Variants in CSMD3 observed in about 807,000 individuals in gnomAD.
CSMD3 encodes CUB and sushi domain-containing protein 3.
A neutral mutation model predicts 435.2 loss-of-function variants in CSMD3; 177 were observed. The observed-to-expected ratio is 0.41, with a 90% confidence interval of 0.36 to 0.46. The LOEUF (loss-of-function observed/expected upper bound fraction) is 0.46. CSMD3 is among the 20% of genes least tolerant of loss of function. CSMD3 has a pLI of 0.34. For synonymous variants in CSMD3, 1,656 were observed against 1,520.5 expected (o/e 1.09, Z -2.07); for missense variants, 4,265 against 4,504.6 (o/e 0.95, Z 1.52).
intron 10 of CSMD3, among the ~76,000 whole-genome samples, chr8:112,900,984 G>A (rs1038020343): frequency 4.0e-5 from 6 of 151,380 alleles, no homozygotes; most frequent in African/African-American, 1.2e-4. Context: ...CTGGCAGTCA[G>A]TCTCAGGTGC....
Position 113,064,384 on chromosome 8 carries a change from T to G in CSMD3, c.917+34372A>C, listed in dbSNP as rs73334003. On this transcript the variant is annotated intron_variant, in intron 5 of 70. Coordinates refer to ENST00000297405, the MANE Select transcript of CSMD3 (RefSeq NM_198123.2). ...AGAGAGATATTGTCTTTTCTATGTT[T>G]AATATATAACTTATTTAACATGTTC... Among the ~76,000 whole-genome samples, 1,251 of 152,212 alleles carry G rather than the reference T, an allele frequency of 8.2e-3. 29 individuals carry two copies. Among genetic ancestry groups the G allele is most frequent in the African/African-American group, 0.028 (1,184 of 41,566 alleles).
At chr8:113,158,385 A>C (rs1219865337) in intron 4 of CSMD3, among the ~76,000 whole-genome samples, 1 of 152,074 alleles carries the variant, frequency 6.6e-6, no homozygotes, top group Admixed American at 6.6e-5. Flanking sequence ...ATGTATCATA[A>C]GGGAAGATCC....
chr8:113,379,583 T>C (rs2094406208), intron 1 of CSMD3, among the ~76,000 whole-genome samples: 1 of 152,124 alleles, frequency 6.6e-6, no homozygotes, highest in Non-Finnish European at 1.5e-5. Flanking sequence ...GCAGATAAGG[T>C]ATCAGTAATA....
rs553392413 is a variant in CSMD3, at chr8:112,784,655, GA to G, written c.1972+15506del. On this transcript the variant is annotated intron_variant, in intron 13 of 70. Transcript: ENST00000297405. The stretch of plus-strand genomic sequence containing the variant: ...TGAGCAACTATATGCCAAGAAACTG[GA>G]AAACCTAAAAGAAATGAATCAATTA... 1.0e-3 allele frequency among the ~76,000 whole-genome samples: 156 copies of G among 151,992 alleles called. 2 individuals are homozygous for G. The highest frequency in any genetic ancestry group is 3.5e-3 in the African/African-American group (146 of 41,514).
At chr8:113,368,348 T>C (rs1428368987) in intron 1 of CSMD3, among the ~76,000 whole-genome samples, 1 of 152,134 alleles carries the variant, frequency 6.6e-6, no homozygotes, top group Non-Finnish European at 1.5e-5. Flanking sequence ...TGCTGGCTCT[T>C]GTCATGGATA....
intron 3 of CSMD3, among the ~76,000 whole-genome samples, chr8:113,222,615 CTTGAG>C (rs1203141226): frequency 3.3e-5 from 5 of 151,110 alleles, no homozygotes; most frequent in East Asian, 3.9e-4. Context: ...ATCTTATATG[CTTGAG>C]TTATTTTCAG....
intron 49 of CSMD3, among the ~76,000 whole-genome samples, chr8:112,312,196 A>C (rs1216012228): frequency 6.6e-6 from 1 of 152,208 alleles, no homozygotes; most frequent in Non-Finnish European, 1.5e-5. Flanking sequence ...TTTATATTAT[A>C]GAAACATAAG....
intron 4 of CSMD3, among the ~76,000 whole-genome samples, chr8:113,156,648 C>G (rs962322720): frequency 7.9e-5 from 12 of 151,628 alleles, no homozygotes; most frequent in African/African-American, 1.7e-4. Flanking sequence ...CGTCTGCAAT[C>G]CCAGCATTTT....
At chr8:112,410,435 C>A (rs1273979213) in intron 32 of CSMD3, among the ~76,000 whole-genome samples, 2 of 146,874 alleles carry the variant, frequency 1.4e-5, no homozygotes, top group Admixed American at 7.0e-5. Flanking sequence ...TGAATTCAGA[C>A]CTTTTTAAAA....
intron 40 of CSMD3, 33 bp downstream of exon 40, chr8:112,351,142 C>T (rs2131053388): frequency 7.9e-7 from 1 of 1,269,892 alleles, no homozygotes; most frequent in Non-Finnish European, 1.2e-6. Flanking sequence ...ACTTTAAGTT[C>T]TAGGGTAAAT....
chr8:113,247,940 T>C (rs2093292998), intron 3 of CSMD3, among the ~76,000 whole-genome samples: 1 of 152,088 alleles, frequency 6.6e-6, no homozygotes, highest in African/African-American at 2.4e-5. Flanking sequence ...AGCTAGGTCA[T>C]ATTATCTTTT....
intron 2 of CSMD3, chr8:113,313,365 A>G (rs924659043): frequency 6.6e-6 from 1 of 151,880 alleles, no homozygotes; most frequent in African/African-American, 2.4e-5. Context: ...TCTGTCACCC[A>G]GGCTGGAGTG....
intron 31 of CSMD3, among the ~76,000 whole-genome samples, chr8:112,482,495 C>G (rs1450363530): frequency 6.6e-6 from 1 of 152,166 alleles, no homozygotes; most frequent in African/African-American, 2.4e-5. Context: ...ATTTCCTTCA[C>G]TCCCAAAATA....
intron 31 of CSMD3, among the ~76,000 whole-genome samples, chr8:112,485,838 G>A (rs1288335189): frequency 6.6e-6 from 1 of 152,002 alleles, no homozygotes; most frequent in East Asian, 1.9e-4. Flanking sequence ...AAGTTGAACA[G>A]AGAATGGTGC....
chr8:112,790,250 A>C (rs1782841316), intron 13 of CSMD3, among the ~76,000 whole-genome samples: 1 of 152,046 alleles, frequency 6.6e-6, no homozygotes, highest in Non-Finnish European at 1.5e-5. Context: ...AACATTTTTT[A>C]AACCTGACTC....
At chr8:112,717,209 A>G (rs568287580) in intron 13 of CSMD3, among the ~76,000 whole-genome samples, 7 of 152,074 alleles carry the variant, frequency 4.6e-5, no homozygotes, top group Non-Finnish European at 1.0e-4. Context: ...CAAGAAACTT[A>G]AACAAATTTA....
chr8:113,300,857 A>G (rs1409924191), intron 2 of CSMD3, among the ~76,000 whole-genome samples: 3 of 152,114 alleles, frequency 2.0e-5, no homozygotes, highest in African/African-American at 7.2e-5. Context: ...AGGGCACGAT[A>G]TTTATTATAC....
At position 113,118,187 on chromosome 8, in the gene CSMD3, G is replaced by T. The variant is rs913863550; in HGVS notation, c.710-19224C>A. Among the ~76,000 whole-genome samples, 3 of 152,056 alleles carry T rather than the reference G, an allele frequency of 2.0e-5. 1 individual carries two copies. In the South Asian group the frequency reaches 6.2e-4, roughly 31 times the overall value. ...TTATGTAATAGATTTTTTTACCGTT[G>T]TCTCATTTGACTTTAGAATATAAAT... On this transcript the variant is annotated intron_variant, in intron 4 of 70. Coordinates refer to ENST00000297405, the MANE Select transcript of CSMD3 (RefSeq NM_198123.2).
intron 10 of CSMD3, among the ~76,000 whole-genome samples, chr8:112,867,945 T>C (rs537488183): frequency 3.8e-4 from 58 of 152,288 alleles, no homozygotes; most frequent in African/African-American, 1.3e-3. Flanking sequence ...AACTCCACAA[T>C]TTTTTAAACT....
Sources: allele counts gnomAD v4.1 joint callset (sites outside exome capture counted in the v4.1 genomes callset), GRCh38; gene constraint gnomAD v4.1.1; transcripts MANE v1.5; gene names NCBI Gene and HGNC (gene_info 2026-07-23, HGNC 2026-07-21).